PTPRR: variants seen among roughly 807,000 people sequenced by gnomAD.
PTPRR encodes the protein protein tyrosine phosphatase receptor type R, also known as receptor-type tyrosine-protein phosphatase R.
Under a neutral mutation model 77.2 loss-of-function variants are expected in PTPRR, and 38 were observed. The observed-to-expected ratio is 0.49, with a 90% CI of 0.38 to 0.65. PTPRR has a LOEUF of 0.65. Among genes scored for constraint, PTPRR ranks in the 30% least tolerant of loss-of-function variants. The probability of loss-of-function intolerance (pLI) is 0.00; values close to 1 mark genes in which losing one functional copy is unlikely to be tolerated. For missense variants in PTPRR, 744 were observed against 799.2 expected, an observed-to-expected ratio of 0.93 and a Z score of 0.83; for synonymous variants, 299 against 283.1, an observed-to-expected ratio of 1.06 and a Z score of -0.57.
chr12:70,891,765 T>G (rs1047437224), intron 2 of PTPRR, among the ~76,000 whole-genome samples: 1 of 151,984 alleles, frequency 6.6e-6, no homozygotes, highest in African/African-American at 2.4e-5. Context: ...TGTAGTAGGT[T>G]AAAAAAATAA....
At chr12:70,713,537 C>T (rs899715713) in intron 6 of PTPRR, among the ~76,000 whole-genome samples, 1 of 146,988 alleles carries the variant, frequency 6.8e-6, no homozygotes, top group African/African-American at 2.5e-5. Flanking sequence ...TCCAATTTCT[C>T]CACATTCTTG....
intron 2 of PTPRR, among the ~76,000 whole-genome samples, chr12:70,783,360 G>A (rs1442552554): frequency 1.3e-5 from 2 of 152,070 alleles, no homozygotes; most frequent in African/African-American, 4.8e-5. Flanking sequence ...AGGCCCTGGA[G>A]AAGATTGTTC....
intron 2 of PTPRR, among the ~76,000 whole-genome samples, chr12:70,869,404 T>C (rs1892922504): frequency 6.6e-6 from 1 of 152,218 alleles, no homozygotes; most frequent in South Asian, 2.1e-4. Flanking sequence ...TGCTGCGTCC[T>C]AGAAGTTGAT....
intron 2 of PTPRR, among the ~76,000 whole-genome samples, chr12:70,875,187 C>T (rs770376845): frequency 2.6e-4 from 40 of 151,956 alleles, no homozygotes; most frequent in Non-Finnish European, 5.4e-4. Flanking sequence ...GGAAAGTTTT[C>T]CCTGGATATT....
At chr12:70,730,150 GATTT>G (rs1453617242) in intron 6 of PTPRR, among the ~76,000 whole-genome samples, 1 of 152,052 alleles carries the variant, frequency 6.6e-6, no homozygotes, top group Non-Finnish European at 1.5e-5. Flanking sequence ...CCCAAGCCTC[GATTT>G]TTACTTTTAC....
chr12:70,659,663 T>G (rs1054565798), intron 12 of PTPRR, among the ~76,000 whole-genome samples: 1 of 152,168 alleles, frequency 6.6e-6, no homozygotes, highest in Non-Finnish European at 1.5e-5. Context: ...TTTGTTTTTT[T>G]GGCTCCAAGT....
intron 2 of PTPRR, among the ~76,000 whole-genome samples, chr12:70,783,400 AG>A (rs931637153): frequency 1.6e-4 from 24 of 152,050 alleles, no homozygotes; most frequent in Middle Eastern, 6.8e-3. Flanking sequence ...CCATCTTCCC[AG>A]GTCTCTGAAA....
chr12:70,916,302 T>G (rs571588203), intron 1 of PTPRR, among the ~76,000 whole-genome samples: 82 of 152,260 alleles, frequency 5.4e-4, no homozygotes, highest in Non-Finnish European at 1.0e-3. Flanking sequence ...TGGCATCTTC[T>G]AGAAACAGAA....
rs188102568 is a variant in PTPRR at position 70,855,000 on chromosome 12, T to C, written c.357+37679A>G. 3.9e-5 allele frequency among the ~76,000 whole-genome samples: 6 copies of C among 152,232 alleles called. No homozygotes were observed. In the East Asian group the frequency reaches 1.2e-3, roughly 29 times the overall value. On this transcript the variant is annotated intron_variant, in intron 2 of 13. Coordinates refer to ENST00000283228, the MANE Select transcript of PTPRR (RefSeq NM_002849.4). The stretch of plus-strand genomic sequence containing the variant: ...GGGTCAGAAATGTAAACAAATGACA[T>C]AATAGGGTCCACAGCAATTTGAAGA...
chr12:70,781,134 G>A (rs993256443), intron 2 of PTPRR, among the ~76,000 whole-genome samples: 2 of 152,160 alleles, frequency 1.3e-5, no homozygotes, highest in South Asian at 4.1e-4. Flanking sequence ...CAGTTCCTAC[G>A]TCTTTTTCAG....
intron 5 of PTPRR, among the ~76,000 whole-genome samples, chr12:70,748,450 G>T (rs1701757663): frequency 6.6e-6 from 1 of 152,104 alleles, no homozygotes; most frequent in African/African-American, 2.4e-5. Context: ...CAACCTAAAA[G>T]CTTACCGTAG....
intron 6 of PTPRR, among the ~76,000 whole-genome samples, chr12:70,705,155 C>A (rs995604379): frequency 6.6e-6 from 1 of 151,930 alleles, no homozygotes; most frequent in African/African-American, 2.4e-5. Flanking sequence ...TGGGCCAGGG[C>A]GACACATCCA....
chr12:70,746,139 A>C, intron 5 of PTPRR, 53 bp from the exon 6 acceptor site: 1 of 1,523,450 alleles, frequency 6.6e-7, no homozygotes, highest in Non-Finnish European at 8.9e-7. Flanking sequence ...ACTAAACAAG[A>C]GTATGATCTC....
chr12:70,760,467 T>C (rs1367919549), intron 4 of PTPRR, among the ~76,000 whole-genome samples: 1 of 152,146 alleles, frequency 6.6e-6, no homozygotes, highest in Non-Finnish European at 1.5e-5. Flanking sequence ...TGTGATTTAC[T>C]GTAAAGGTGA....
chr12:70,680,689 G>C lies in PTPRR; in HGVS notation c.1497+3438C>G, dbSNP rs75681739. On this transcript the variant is annotated intron_variant, in intron 10 of 13. Transcript: ENST00000283228. ...AGCCAGTCTGCCAGCTTGGGTTAGG[G>C]ATTCTCTGGGGGCAGTGTACTTGGC... Among the ~76,000 whole-genome samples the C allele has an allele frequency of 2.1e-3, 322 of 152,284 alleles. 6 individuals carry two copies. In the East Asian group the frequency reaches 0.052, roughly 25 times the overall value.
chr12:70,712,461 T>A (rs2089399675), intron 6 of PTPRR, among the ~76,000 whole-genome samples: 1 of 151,260 alleles, frequency 6.6e-6, no homozygotes, highest in Non-Finnish European at 1.5e-5. Context: ...TCCTTCCTCA[T>A]CCAGTGTCAG....
At chr12:70,748,125 G>A (rs1890271154) in intron 5 of PTPRR, among the ~76,000 whole-genome samples, 1 of 152,174 alleles carries the variant, frequency 6.6e-6, no homozygotes, top group African/African-American at 2.4e-5. Context: ...CGAAATGTCA[G>A]TAGTGTTGTT....
chr12:70,751,923 A>C (rs918758310), intron 5 of PTPRR, among the ~76,000 whole-genome samples: 1 of 152,180 alleles, frequency 6.6e-6, no homozygotes, highest in Non-Finnish European at 1.5e-5. Flanking sequence ...TGACAAATTC[A>C]TAATGTCATG....
intron 2 of PTPRR, among the ~76,000 whole-genome samples, chr12:70,831,410 A>G (rs1892209794): frequency 6.6e-6 from 1 of 152,192 alleles, no homozygotes; most frequent in Non-Finnish European, 1.5e-5. Flanking sequence ...GGCTCAGTTA[A>G]GCTCTTCAAA....
Sources: allele counts gnomAD v4.1 joint callset (sites outside exome capture counted in the v4.1 genomes callset), GRCh38; gene constraint gnomAD v4.1.1; transcripts MANE v1.5; gene names NCBI Gene and HGNC (gene_info 2026-07-23, HGNC 2026-07-21).